The following FHIT variants were observed in gnomAD, a reference collection of about 807,000 sequenced individuals.
FHIT encodes fragile histidine triad diadenosine triphosphatase.
In FHIT, 19 loss-of-function variants were observed where a neutral mutation model predicts 17.9. The observed-to-expected ratio is 1.06, with a 90% CI of 0.74 to 1.56. The LOEUF is 1.56. FHIT is among the 40% of genes most tolerant of loss of function. The pLI, the probability that FHIT is intolerant of heterozygous loss-of-function variation, is 0.00. For missense variants in FHIT, 248 were observed against 189.2 expected (o/e 1.31, Z -1.82); for synonymous variants, 81 against 69.7 (o/e 1.16, Z -0.81).
At chr3:60,532,381 C>T (rs918306086) in intron 5 of FHIT, among the ~76,000 whole-genome samples, 8 of 152,066 alleles carry the variant, frequency 5.3e-5, no homozygotes, top group African/African-American at 1.9e-4. Flanking sequence ...ATGCTCAACT[C>T]AAGAAGAGAG....
At chr3:59,925,207 G>T (rs536232088) in intron 7 of FHIT, among the ~76,000 whole-genome samples, 10 of 152,036 alleles carry the variant, frequency 6.6e-5, no homozygotes, top group Non-Finnish European at 1.2e-4. Context: ...AGGCTCAAGA[G>T]ATCCTCCTGC....
intron 4 of FHIT, among the ~76,000 whole-genome samples, chr3:60,576,007 G>A (rs1271477679): frequency 6.6e-6 from 1 of 151,992 alleles, no homozygotes; most frequent in Non-Finnish European, 1.5e-5. Context: ...AATAAAGGAG[G>A]GAATGAGTAT....
At position 60,494,937 on chromosome 3, in the gene FHIT, C is replaced by T. The variant is rs537710529; in HGVS notation, c.103+41923G>A. 1.7e-4 allele frequency among the ~76,000 whole-genome samples: 26 copies of T among 152,238 alleles called. No homozygotes were observed. The South Asian group carries it at 4.1e-3, about 24-fold the overall frequency. On this transcript the variant is annotated intron_variant, in intron 5 of 9. Coordinates refer to ENST00000492590, the MANE Select transcript of FHIT (RefSeq NM_002012.4). ...ATTGTGAACAGTGCTGCAACAAACA[C>T]GGGAGCGCAGATCGCTCTGTGATAT...
chr3:60,270,550 TATC>T (rs1169885158), intron 5 of FHIT, among the ~76,000 whole-genome samples: 1 of 152,198 alleles, frequency 6.6e-6, no homozygotes, highest in Non-Finnish European at 1.5e-5. Context: ...GACTATAAAT[TATC>T]ATACACATGC....
intron 5 of FHIT, among the ~76,000 whole-genome samples, chr3:60,266,142 A>G (rs879667029): frequency 6.6e-6 from 1 of 152,114 alleles, no homozygotes; most frequent in Non-Finnish European, 1.5e-5. Context: ...CTAAAAGTGG[A>G]AACACCCCAA....
At chr3:60,472,809 C>T (rs143170874) in intron 5 of FHIT, among the ~76,000 whole-genome samples, 2,969 of 152,218 alleles carry the variant, frequency 0.02, 50 homozygotes, top group Middle Eastern at 0.037. Context: ...AGCCCCCAAT[C>T]CCAAAGACAT....
At chr3:61,100,522 C>T (rs532422616) in intron 2 of FHIT, among the ~76,000 whole-genome samples, 4 of 152,112 alleles carry the variant, frequency 2.6e-5, no homozygotes, top group Admixed American at 6.5e-5. Context: ...AATACACATA[C>T]ATGTGCATAT....
At chr3:60,898,479 T>C (rs1247007324) in intron 3 of FHIT, among the ~76,000 whole-genome samples, 1 of 152,226 alleles carries the variant, frequency 6.6e-6, no homozygotes, top group Non-Finnish European at 1.5e-5. Context: ...TTACCCACAC[T>C]GAACCCACAT....
chr3:60,181,600 G>A (rs560655192), intron 5 of FHIT, among the ~76,000 whole-genome samples: 1 of 152,314 alleles, frequency 6.6e-6, no homozygotes, highest in South Asian at 2.1e-4. Flanking sequence ...CAGAAGACCA[G>A]AGTAGAGTTT....
chr3:60,937,480 G>A lies in FHIT; in HGVS notation c.-111+104567C>T, dbSNP rs186207046. ...GTGAAATGCTGTTTCAGAGTCTGAT[G>A]AGAAAAATATGTGAGCTCACAGAAT... On this transcript the variant is annotated intron_variant, in intron 3 of 9. Coordinates refer to ENST00000492590, the MANE Select transcript of FHIT (RefSeq NM_002012.4). Among the ~76,000 whole-genome samples the A allele has an allele frequency of 3.0e-3, 448 of 151,358 alleles. 4 individuals carry two copies. The highest frequency in any genetic ancestry group is 0.016 in the South Asian group (74 of 4,774).
chr3:59,907,112 C>A (rs1268677638), intron 8 of FHIT, among the ~76,000 whole-genome samples: 2 of 152,228 alleles, frequency 1.3e-5, no homozygotes, highest in African/African-American at 4.8e-5. Context: ...GCAGAGGGAA[C>A]TGCCCATAGT....
chr3:61,226,895 C>T (rs1014105194), intron 1 of FHIT, among the ~76,000 whole-genome samples: 24 of 152,018 alleles, frequency 1.6e-4, no homozygotes, highest in Non-Finnish European at 7.4e-5. Context: ...ATGCTGAAAA[C>T]AGACACAGCC....
At chr3:60,703,628 T>C (rs1468326927) in intron 4 of FHIT, among the ~76,000 whole-genome samples, 1 of 152,184 alleles carries the variant, frequency 6.6e-6, no homozygotes, top group African/African-American at 2.4e-5. Context: ...GTGTTATTTA[T>C]CTCAAGTTTT....
chr3:60,105,694 G>A (rs1041126997), intron 5 of FHIT, among the ~76,000 whole-genome samples: 2 of 152,248 alleles, frequency 1.3e-5, no homozygotes, highest in South Asian at 2.1e-4. Flanking sequence ...AGACAGAAAT[G>A]TGAGATGTAG....
chr3:60,736,883 A>G (rs1266425620), intron 4 of FHIT, among the ~76,000 whole-genome samples: 1 of 152,260 alleles, frequency 6.6e-6, no homozygotes, highest in Non-Finnish European at 1.5e-5. Flanking sequence ...ATCCATGATG[A>G]TAACAATATT....
At chr3:60,277,402 G>A (rs1576409259) in intron 5 of FHIT, among the ~76,000 whole-genome samples, 1 of 152,180 alleles carries the variant, frequency 6.6e-6, no homozygotes, top group Admixed American at 6.5e-5. Context: ...AAGCAAGCTG[G>A]AAGCTTGCAA....
chr3:60,186,059 T>C (rs532303564), intron 5 of FHIT, among the ~76,000 whole-genome samples: 5 of 152,342 alleles, frequency 3.3e-5, no homozygotes, highest in Non-Finnish European at 7.4e-5. Flanking sequence ...AAGTCCTTTA[T>C]CAGATTTGTA....
At chr3:60,895,706 C>CT (rs1302103854) in intron 3 of FHIT, among the ~76,000 whole-genome samples, 5 of 141,328 alleles carry the variant, frequency 3.5e-5, no homozygotes, top group African/African-American at 1.3e-4. Flanking sequence ...TTCTTTCTTT[C>CT]TTTCTTTCTT....
chr3:60,835,452 T>G (rs1553743647), intron 3 of FHIT, among the ~76,000 whole-genome samples: 3 of 152,202 alleles, frequency 2.0e-5, no homozygotes. Flanking sequence ...TTTTATTGGA[T>G]TCACATAAGT....
Sources: allele counts gnomAD v4.1 joint callset (sites outside exome capture counted in the v4.1 genomes callset), GRCh38; gene constraint gnomAD v4.1.1; transcripts MANE v1.5; gene names NCBI Gene and HGNC (gene_info 2026-07-23, HGNC 2026-07-21).